ULK4: variants seen among roughly 807,000 people sequenced by gnomAD.
ULK4 encodes the protein inactive serine/threonine-protein kinase ULK4.
ULK4 carries 133 observed loss-of-function variants against 160.6 expected under a neutral mutation model. That is an observed-to-expected ratio of 0.83 (90% CI 0.72 to 0.96). The LOEUF (loss-of-function observed/expected upper bound fraction) is 0.96. Ranked by LOEUF, ULK4 falls within the 40% of genes least tolerant of loss-of-function variation. The pLI is 0.00. For missense variants in ULK4, 1,580 were observed against 1,499.5 expected (o/e 1.05, Z -0.89); for synonymous variants, 534 against 539.8 (o/e 0.99, Z 0.15).
At chr3:41,287,965 C>T (rs2125700231) in intron 35 of ULK4, among the ~76,000 whole-genome samples, 1 of 152,250 alleles carries the variant, frequency 6.6e-6, no homozygotes, top group East Asian at 1.9e-4. Flanking sequence ...ATCTTGATCC[C>T]ATGAGCCTGG....
intron 27 of ULK4, among the ~76,000 whole-genome samples, chr3:41,694,495 T>C (rs981406041): frequency 5.9e-5 from 9 of 152,120 alleles, no homozygotes; most frequent in Non-Finnish European, 8.8e-5. Context: ...GAGGATGGGA[T>C]AGGGCAGACA....
At chr3:41,672,726 C>T (rs180910057) in intron 29 of ULK4, among the ~76,000 whole-genome samples, 1 of 152,250 alleles carries the variant, frequency 6.6e-6, no homozygotes, top group East Asian at 1.9e-4. Flanking sequence ...CATAGAAATG[C>T]TAAATACTTG....
chr3:41,463,741 G>A (rs983850340), intron 32 of ULK4, among the ~76,000 whole-genome samples: 1 of 152,140 alleles, frequency 6.6e-6, no homozygotes, highest in Non-Finnish European at 1.5e-5. Context: ...ATTACCAGGT[G>A]CCATCCCTTT....
At chr3:41,495,193 G>A (rs1340029224) in intron 32 of ULK4, among the ~76,000 whole-genome samples, 6 of 152,280 alleles carry the variant, frequency 3.9e-5, no homozygotes, top group African/African-American at 1.4e-4. Context: ...CAAGGCTACA[G>A]TAACCAAAAC....
At chr3:41,496,552 G>C (rs1235004232) in intron 32 of ULK4, among the ~76,000 whole-genome samples, 1 of 152,024 alleles carries the variant, frequency 6.6e-6, no homozygotes, top group Non-Finnish European at 1.5e-5. Flanking sequence ...TGAAGTTGGA[G>C]TTTGCTGAGG....
chr3:41,467,454 G>T (rs557097150), intron 32 of ULK4, among the ~76,000 whole-genome samples: 1 of 152,274 alleles, frequency 6.6e-6, no homozygotes, highest in South Asian at 2.1e-4. Context: ...TTGAACCCAG[G>T]AGGCAGAAGT....
chr3:41,552,930 G>A (rs2087129256), intron 32 of ULK4, among the ~76,000 whole-genome samples: 1 of 152,002 alleles, frequency 6.6e-6, no homozygotes, highest in African/African-American at 2.4e-5. Flanking sequence ...GCAGAACTGA[G>A]ATCCCAGATA....
intron 30 of ULK4, among the ~76,000 whole-genome samples, chr3:41,646,149 C>T (rs970551561): frequency 7.2e-5 from 11 of 152,272 alleles, no homozygotes; most frequent in East Asian, 3.9e-4. Context: ...TTTATCCAAT[C>T]TGCCAGTCTG....
rs540285819 is a variant in ULK4, at chr3:41,259,050, A to G, written c.3679-9476T>C. Among the ~76,000 whole-genome samples the G allele has an allele frequency of 3.7e-5, 5 of 135,646 alleles. No individual in the cohort carries two copies. In the East Asian group the frequency reaches 7.8e-4, roughly 21 times the overall value. 89.0% of individuals were successfully genotyped at this position (135,646 alleles called of 152,430 possible). A position where few individuals can be genotyped will look rare whatever the true frequency, so the allele number is the denominator to read the frequency against. On this transcript the variant is annotated intron_variant, in intron 35 of 36. Transcript: ENST00000301831. ...TGTGTATATATACGTATACACACAT[A>G]TATGTATATGTATATGTGTATATAC...
chr3:41,512,187 A>G (rs1056949644), intron 32 of ULK4, among the ~76,000 whole-genome samples: 1 of 152,216 alleles, frequency 6.6e-6, no homozygotes, highest in Admixed American at 6.5e-5. Flanking sequence ...TCAACAGGGA[A>G]AAGTTGAAAG....
chr3:41,263,665 C>A (rs1184039478), intron 35 of ULK4, among the ~76,000 whole-genome samples: 2 of 152,156 alleles, frequency 1.3e-5, no homozygotes, highest in East Asian at 1.9e-4. Flanking sequence ...TATCATACAT[C>A]CTGAATTTGA....
chr3:41,517,715 T>C (rs1559667840), intron 32 of ULK4, among the ~76,000 whole-genome samples: 1 of 152,180 alleles, frequency 6.6e-6, no homozygotes, highest in African/African-American at 2.4e-5. Flanking sequence ...ATTCAGCCCT[T>C]GGTGAGGGCA....
intron 18 of ULK4, among the ~76,000 whole-genome samples, chr3:41,824,491 T>C (rs1276258407): frequency 6.6e-6 from 1 of 152,166 alleles, no homozygotes. Context: ...TCCAATGGTC[T>C]TAGCAAACAG....
At chr3:41,761,049 A>G (rs2038965801) in intron 21 of ULK4, among the ~76,000 whole-genome samples, 2 of 152,174 alleles carry the variant, frequency 1.3e-5, no homozygotes, top group African/African-American at 4.8e-5. Flanking sequence ...AGATAAAACT[A>G]TAGGGGCAGG....
intron 31 of ULK4, among the ~76,000 whole-genome samples, chr3:41,603,037 T>A (rs1294241743): frequency 6.6e-6 from 1 of 152,012 alleles, no homozygotes. Context: ...AAGACAGGTT[T>A]GTGGAATAGA....
At chr3:41,506,767 A>AAAATATATATAT in intron 32 of ULK4, among the ~76,000 whole-genome samples, 2 of 56,766 alleles carry the variant, frequency 3.5e-5, no homozygotes, top group African/African-American at 1.6e-4. Flanking sequence ...TGTGATTTAA[A>AAAATATATATAT]ATATATATAT....
At chr3:41,741,757 A>G (rs946353123) in intron 22 of ULK4, among the ~76,000 whole-genome samples, 1 of 151,956 alleles carries the variant, frequency 6.6e-6, no homozygotes, top group Non-Finnish European at 1.5e-5. Context: ...CACCAACTCT[A>G]TAAGTGACTT....
rs561952111 is a variant in ULK4, at chr3:41,338,712, T to C, written c.3678+59367A>G. Among the ~76,000 whole-genome samples the C allele has an allele frequency of 2.0e-5, 3 of 152,052 alleles. No homozygotes were observed. In the East Asian group the frequency reaches 5.8e-4, roughly 30 times the overall value. On this transcript the variant is annotated intron_variant, in intron 35 of 36. Coordinates refer to ENST00000301831, the MANE Select transcript of ULK4 (RefSeq NM_017886.4). ...TCTCCAGAGAAAACTAGTAGGATAA[T>C]GTGCACATATATATGTGTGTGTGTG...
In ULK4 at chr3:41,462,403, G is replaced by C. The variant is rs374381533; in HGVS notation, c.3393+684C>G. ...CACCTTGACCCTGTCACTTTCACTTGATCTAAATATCAGCTGACTCCATCG... is the reference window on the plus strand; with the variant it reads ...CACCTTGACCCTGTCACTTTCACTTCATCTAAATATCAGCTGACTCCATCG... On this transcript the variant is annotated intron_variant, in intron 33 of 36. Coordinates refer to ENST00000301831, the MANE Select transcript of ULK4 (RefSeq NM_017886.4). 6.0e-4 allele frequency among the ~76,000 whole-genome samples: 91 copies of C among 152,258 alleles called. 2 individuals carry two copies. In the South Asian group the frequency reaches 0.018, roughly 30 times the overall value.
Sources: allele counts gnomAD v4.1 joint callset (sites outside exome capture counted in the v4.1 genomes callset), GRCh38; gene constraint gnomAD v4.1.1; transcripts MANE v1.5; gene names NCBI Gene and HGNC (gene_info 2026-07-23, HGNC 2026-07-21).